The following RANBP2 variants were observed in gnomAD, a reference collection of about 807,000 sequenced individuals.
RANBP2 encodes the protein E3 SUMO-protein ligase RanBP2.
A neutral mutation model predicts 303.6 loss-of-function variants in RANBP2; 57 were observed. That is an observed-to-expected ratio of 0.19 (90% CI 0.15 to 0.23). RANBP2 has a LOEUF of 0.23. RANBP2 is among the 10% of genes least tolerant of loss of function. The pLI, the probability that RANBP2 is intolerant of heterozygous loss-of-function variation, is 1.00. For missense variants in RANBP2, 3,138 were observed against 3,780.8 expected, an observed-to-expected ratio of 0.83 and a Z score of 4.46; for synonymous variants, 1,167 against 1,301.5, an observed-to-expected ratio of 0.90 and a Z score of 2.23.
the RANBP2 span, among the ~76,000 whole-genome samples, chr2:109,286,875 G>A: frequency 8.5e-5 from 13 of 152,140 alleles, no homozygotes; most frequent in Middle Eastern, 3.2e-3. Flanking sequence ...TCGTTGACCG[G>A]TCTGTCCCCA....
chr2:108,961,506 C>T, the RANBP2 span, among the ~76,000 whole-genome samples: 1 of 152,230 alleles, frequency 6.6e-6, no homozygotes, highest in Non-Finnish European at 1.5e-5. Flanking sequence ...GGAGGTAGAG[C>T]TCCTGGTTCC....
the RANBP2 span, among the ~76,000 whole-genome samples, chr2:109,389,042 A>G: frequency 6.6e-6 from 1 of 152,234 alleles, no homozygotes; most frequent in Non-Finnish European, 1.5e-5. Context: ...CATCACATGC[A>G]GCATCATAGG....
At chr2:109,445,680 G>T in the RANBP2 span, among the ~76,000 whole-genome samples, 1 of 152,230 alleles carries the variant, frequency 6.6e-6, no homozygotes, top group South Asian at 2.1e-4. Context: ...AGGTATCAAG[G>T]ATGTGGGTGA....
the RANBP2 span, among the ~76,000 whole-genome samples, chr2:109,294,328 A>C: frequency 6.6e-6 from 1 of 152,084 alleles, no homozygotes; most frequent in Non-Finnish European, 1.5e-5. Context: ...TGTGCAGCCA[A>C]GGCTGGTGGA....
At chr2:109,660,978 T>A in the RANBP2 span, among the ~76,000 whole-genome samples, 1 of 152,200 alleles carries the variant, frequency 6.6e-6, no homozygotes, top group Non-Finnish European at 1.5e-5. Context: ...CTCAATGTAC[T>A]AATTAGGCAT....
the RANBP2 span, among the ~76,000 whole-genome samples, chr2:108,938,542 T>C: frequency 6.6e-6 from 1 of 152,200 alleles, no homozygotes; most frequent in Non-Finnish European, 1.5e-5. Context: ...GGAGAGCACT[T>C]ATCCTCATCC....
chr2:109,306,382 T>G, the RANBP2 span, among the ~76,000 whole-genome samples: 2 of 152,232 alleles, frequency 1.3e-5, no homozygotes, highest in Admixed American at 1.3e-4. Flanking sequence ...GCAGAGTGCT[T>G]GGAGATTCCT....
chr2:108,948,572 C>T, the RANBP2 span, among the ~76,000 whole-genome samples: 5 of 152,270 alleles, frequency 3.3e-5, no homozygotes, highest in Middle Eastern at 3.4e-3. Flanking sequence ...TCACAGTCAT[C>T]GCAGAAGGCA....
At chr2:109,657,137 G>A in the RANBP2 span, among the ~76,000 whole-genome samples, 2 of 152,104 alleles carry the variant, frequency 1.3e-5, no homozygotes, top group Admixed American at 6.5e-5. Flanking sequence ...AGTGCCCAAC[G>A]GTTATTGACT....
At chr2:109,545,462 T>C in the RANBP2 span, 96 of 1,536,156 alleles carry the variant, frequency 6.2e-5, no homozygotes, top group African/African-American at 1.2e-3. Context: ...CTCTCTACCT[T>C]TCTCTGCGTC....
Position 108,740,815 on chromosome 2 carries a change from A to G in RANBP2, c.975+134A>G, listed in dbSNP as rs1286121758. On this transcript the variant is annotated intron_variant, in intron 7 of 28. Coordinates refer to ENST00000283195, the MANE Select transcript of RANBP2 (RefSeq NM_006267.5). ...TTAAAGTTGAAATAGTCAATTTGAT[A>G]CAGTGGAAAATAACTAAGCATACAC... 7 of 1,394,514 alleles carry G rather than the reference A, an allele frequency of 5.0e-6. No homozygotes were observed. The East Asian group carries it at 1.4e-4, about 27-fold the overall frequency. 86.4% of individuals were successfully genotyped at this position (1,394,514 alleles called of 1,614,324 possible).
chr2:108,748,985 G>A lies in RANBP2; in HGVS notation c.1129G>A (p.Ala377Thr), dbSNP rs773568585. The A allele has an allele frequency of 2.5e-6, 4 of 1,611,740 alleles. No homozygotes were observed. In the African/African-American group the frequency reaches 5.3e-5, roughly 22 times the overall value. The change falls in exon 9 of 29, where the codon GCC becomes ACC. Residue 377 changes from alanine to threonine, a missense_variant. Physicochemically the swap from Ala to Thr is moderately conservative, Grantham distance 58. Around this residue, in one of 20 missense-constraint regions of RANBP2, gnomAD observed 95 missense variants for 86.4 expected, o/e 1.10. Transcript: ENST00000283195. ...DFLKEIVETF[A>T]NKSGQSALYD... ...TTTAAAAGAGATTGTTGAAACTTTT[G>A]CCAACAAAAGCGGGCAGTCTGCATT...
At chr2:108,798,361 C>T in the RANBP2 span, 2 of 1,546,024 alleles carry the variant, frequency 1.3e-6, no homozygotes, top group Non-Finnish European at 1.7e-6. Context: ...CAGTGTCAGC[C>T]AATAGGAATA....
At chr2:109,604,595 C>T in the RANBP2 span, among the ~76,000 whole-genome samples, 11 of 151,294 alleles carry the variant, frequency 7.3e-5, no homozygotes, top group East Asian at 1.2e-3. Context: ...GGCATGGTGG[C>T]GGGTGCCTGT....
At chr2:108,775,530 C>G (rs1000859156) in intron 23 of RANBP2, among the ~76,000 whole-genome samples, 2 of 152,116 alleles carry the variant, frequency 1.3e-5, no homozygotes, top group African/African-American at 4.8e-5. Context: ...TTTTTATCCA[C>G]CTTTCTAAGG....
At chr2:108,932,528 C>CAAA in the RANBP2 span, among the ~76,000 whole-genome samples, 31 of 39,088 alleles carry the variant, frequency 7.9e-4, no homozygotes, top group African/African-American at 1.4e-3. Flanking sequence ...GACTCTGTCT[C>CAAA]AAAAAAAAAA....
the RANBP2 span, among the ~76,000 whole-genome samples, chr2:109,375,894 G>A: frequency 3.3e-3 from 505 of 152,352 alleles, 5 homozygotes; most frequent in African/African-American, 0.011. Context: ...GGGCTTCAGA[G>A]CAGACCTGGC....
chr2:109,354,171 C>T, the RANBP2 span, among the ~76,000 whole-genome samples: 1 of 143,778 alleles, frequency 7.0e-6, no homozygotes, highest in Non-Finnish European at 1.5e-5. Flanking sequence ...TTTAATTTTC[C>T]CTTCTCCCTG....
chr2:109,613,021 C>A, the RANBP2 span: 774 of 512,462 alleles, frequency 1.5e-3, 4 homozygotes, highest in African/African-American at 0.014. Flanking sequence ...TGAAAACCAC[C>A]AATGTTTACT....
Sources: allele counts gnomAD v4.1 joint callset (sites outside exome capture counted in the v4.1 genomes callset), GRCh38; gene constraint gnomAD v4.1.1; regional missense constraint gnomAD v4.1.1; transcripts MANE v1.5; gene names NCBI Gene and HGNC (gene_info 2026-07-23, HGNC 2026-07-21).